The following INO80D variants were observed in gnomAD, a reference collection of about 807,000 sequenced individuals.
INO80D encodes the protein INO80 complex subunit D.
In INO80D, 21 loss-of-function variants were observed where a neutral mutation model predicts 87.6. The observed-to-expected ratio is 0.24, with a 90% CI of 0.17 to 0.35. INO80D has a LOEUF of 0.35. INO80D is among the 10% of genes least tolerant of loss of function. The probability of loss-of-function intolerance (pLI) is 1.00; values close to 1 mark genes in which losing one functional copy is unlikely to be tolerated. For missense variants in INO80D, 982 were observed against 1,280.7 expected (o/e 0.77, Z 3.56); for synonymous variants, 440 against 491.0 (o/e 0.90, Z 1.37).
chr2:206,056,141 A>C, intron 4 of INO80D, 57 bp downstream of exon 4: 4 of 1,494,298 alleles, frequency 2.7e-6, no homozygotes, highest in Non-Finnish European at 2.7e-6. Context: ...AGCTCCACAC[A>C]ACCGAACACA....
chr2:206,072,285 G>T (rs1163109206), intron 1 of INO80D, among the ~76,000 whole-genome samples: 2 of 150,146 alleles, frequency 1.3e-5, no homozygotes, highest in South Asian at 2.1e-4. Flanking sequence ...GTTTTGTTTG[G>T]TTTTTTTTTG....
At chr2:206,052,192 A>AT (rs919557575) in intron 4 of INO80D, among the ~76,000 whole-genome samples, 2 of 151,818 alleles carry the variant, frequency 1.3e-5, no homozygotes, top group Non-Finnish European at 2.9e-5. Context: ...ATTCATCATC[A>AT]TTTTTTTGTT....
chr2:206,032,408 C>T (rs1022398400), intron 5 of INO80D, among the ~76,000 whole-genome samples: 2 of 152,180 alleles, frequency 1.3e-5, no homozygotes, highest in African/African-American at 4.8e-5. Flanking sequence ...CTATGACTGC[C>T]GGATTTCCCC....
chr2:206,037,148 A>T (rs141165335), intron 5 of INO80D, among the ~76,000 whole-genome samples: 6 of 152,236 alleles, frequency 3.9e-5, no homozygotes, highest in African/African-American at 1.4e-4. Flanking sequence ...CACCTGGCCT[A>T]CCTCCCAAGG....
At chr2:206,027,368 C>T (rs1440120294) in intron 6 of INO80D, among the ~76,000 whole-genome samples, 1 of 152,028 alleles carries the variant, frequency 6.6e-6, no homozygotes, top group Non-Finnish European at 1.5e-5. Context: ...AATACTTGCA[C>T]AAATAATCTG....
At chr2:206,020,379 C>CTTT (rs1688428070) in intron 6 of INO80D, among the ~76,000 whole-genome samples, 1 of 152,122 alleles carries the variant, frequency 6.6e-6, no homozygotes, top group African/African-American at 2.4e-5. Flanking sequence ...ACACAGTAAA[C>CTTT]AGTCAGTGGT....
chr2:206,008,983 G>C (rs1688098667), intron 9 of INO80D, among the ~76,000 whole-genome samples: 1 of 152,170 alleles, frequency 6.6e-6, no homozygotes, highest in Non-Finnish European at 1.5e-5. Flanking sequence ...GAATACTTCT[G>C]TTGGAACATA....
chr2:206,025,367 A>G (rs924045552), intron 6 of INO80D, among the ~76,000 whole-genome samples: 1 of 150,936 alleles, frequency 6.6e-6, no homozygotes, highest in Non-Finnish European at 1.5e-5. Flanking sequence ...ATTTCTACTA[A>G]AAATACAAAA....
chr2:206,051,238 T>C (rs1689359345), intron 4 of INO80D, among the ~76,000 whole-genome samples: 1 of 152,064 alleles, frequency 6.6e-6, no homozygotes, highest in African/African-American at 2.4e-5. Flanking sequence ...TCTTTTCTTT[T>C]TTTTTTCAGA....
intron 5 of INO80D, among the ~76,000 whole-genome samples, chr2:206,040,267 C>T (rs1247907334): frequency 3.2e-5 from 4 of 125,216 alleles, no homozygotes; most frequent in Non-Finnish European, 6.3e-5. Flanking sequence ...GCCTGGGTGA[C>T]AGAGTGCGAC....
chr2:206,068,377 G>C (rs1445064280), intron 1 of INO80D, among the ~76,000 whole-genome samples: 1 of 152,128 alleles, frequency 6.6e-6, no homozygotes, highest in Non-Finnish European at 1.5e-5. Context: ...TGGGATTACA[G>C]GCATGAGCCA....
At chr2:206,010,006 G>A (rs1419219852) in intron 8 of INO80D, among the ~76,000 whole-genome samples, 1 of 151,654 alleles carries the variant, frequency 6.6e-6, no homozygotes, top group African/African-American at 2.4e-5. Flanking sequence ...ATTTTAAATT[G>A]GTGGCATTTT....
Position 205,994,205 on chromosome 2 carries a change from C to T in INO80D, c.*10163G>A, listed in dbSNP as rs1000576739. ...CCTAACTTTTGTGCATATAATTAAA[C>T]TCCCAGCCACTATGAACACAAATAC... is the stretch of plus-strand genomic sequence containing the variant. On this transcript the variant is annotated 3_prime_UTR_variant, in exon 11 of 11. Transcript: ENST00000403263. The T allele has an allele frequency of 2.0e-5, 3 of 152,178 alleles. No homozygotes were observed. Among genetic ancestry groups the T allele is most frequent in the African/African-American group, 7.2e-5 (3 of 41,452 alleles). The allele number at this position is 152,178 out of a possible 1,614,324, so 9.4% of individuals were successfully genotyped here. A position where few individuals can be genotyped will look rare whatever the true frequency, so the allele number is the denominator to read the frequency against.
chr2:206,062,733 CA>C lies in INO80D; in HGVS notation c.218+65del. 3 of 1,360,388 alleles carry C rather than the reference CA, an allele frequency of 2.2e-6. No individual in the cohort carries two copies. The highest frequency in any genetic ancestry group is 3.0e-6 in the Non-Finnish European group (3 of 994,500). The allele number at this position is 1,360,388 out of a possible 1,614,324, so 84.3% of individuals were successfully genotyped here. A position where few individuals can be genotyped will look rare whatever the true frequency, so the allele number is the denominator to read the frequency against. ...GGACAGAAGAAAAGAGAAGAAAAAA[CA>C]AGAAAAGAAAAAATTCCAAGCCTGT... is the stretch of plus-strand genomic sequence containing the variant. On this transcript the variant is annotated intron_variant, in intron 3 of 10. Coordinates refer to ENST00000403263, the MANE Select transcript of INO80D (RefSeq NM_017759.5). This position sits in a 1 kb window ranked among gnomAD's most constrained non-coding sequence, Gnocchi z 4.6.
chr2:206,003,313 G>A lies in INO80D; in HGVS notation c.*1055C>T, dbSNP rs1371009121. The A allele has an allele frequency of 9.2e-5, 14 of 152,162 alleles. No homozygotes were observed. Among genetic ancestry groups the A allele is most frequent in the Admixed American group, 9.2e-4 (14 of 15,284 alleles). 9.4% of individuals were successfully genotyped at this position (152,162 alleles called of 1,614,324 possible). A position where few individuals can be genotyped will look rare whatever the true frequency, so the allele number is the denominator to read the frequency against. ...AATTCAAAAGCAAAAGATGGATCAA[G>A]GAGTTGACAGATCCCATCTTTTCAA... On this transcript the variant is annotated 3_prime_UTR_variant, in exon 11 of 11. Coordinates refer to ENST00000403263, the MANE Select transcript of INO80D (RefSeq NM_017759.5).
At chr2:206,084,108 C>T (rs1340413971) in intron 1 of INO80D, among the ~76,000 whole-genome samples, 1 of 150,646 alleles carries the variant, frequency 6.6e-6, no homozygotes, top group Non-Finnish European at 1.5e-5. Flanking sequence ...GCTCAGGGCA[C>T]CAAAATATAG....
intron 5 of INO80D, among the ~76,000 whole-genome samples, chr2:206,041,688 A>T (rs1306566885): frequency 6.6e-6 from 1 of 152,264 alleles, no homozygotes; most frequent in East Asian, 1.9e-4. Context: ...CAACACTATT[A>T]ACCAACTTGA....
chr2:206,048,723 G>A (rs961574966), intron 4 of INO80D, among the ~76,000 whole-genome samples: 9 of 152,034 alleles, frequency 5.9e-5, no homozygotes, highest in South Asian at 2.1e-4. Context: ...CCAAGACCCC[G>A]ACTCTACAAC....
At chr2:206,032,442 T>C (rs1024369149) in intron 5 of INO80D, among the ~76,000 whole-genome samples, 3 of 152,198 alleles carry the variant, frequency 2.0e-5, no homozygotes, top group Non-Finnish European at 4.4e-5. Flanking sequence ...ACCTGTGTGA[T>C]TCAGCAGAGG....
Sources: gnomAD v4.1 joint callset for allele counts (sites outside exome capture counted in the v4.1 genomes callset) on GRCh38, gnomAD v4.1.1 for gene constraint, Gnocchi (gnomAD v3.1) non-coding constraint, MANE v1.5 for transcripts, NCBI Gene and HGNC (gene_info 2026-07-23, HGNC 2026-07-21) for gene names.